Variants in NME7 observed in about 807,000 individuals in gnomAD.
The protein encoded by NME7 is NME/NM23 family member 7, also known as nucleoside diphosphate kinase 7.
A neutral mutation model predicts 49.1 loss-of-function variants in NME7; 41 were observed. That is an observed-to-expected ratio of 0.83 (90% CI 0.65 to 1.08). NME7 has a LOEUF of 1.08. NME7 is among the 50% of genes least tolerant of loss of function. The pLI, the probability that NME7 is intolerant of heterozygous loss-of-function variation, is 0.00. For missense variants in NME7, 423 were observed against 463.4 expected, an observed-to-expected ratio of 0.91 and a Z score of 0.80; for synonymous variants, 139 against 150.6, an observed-to-expected ratio of 0.92 and a Z score of 0.56.
chr1:169,149,091 C>A (rs1037988855), intron 11 of NME7, among the ~76,000 whole-genome samples: 2 of 152,148 alleles, frequency 1.3e-5, no homozygotes, highest in African/African-American at 2.4e-5. Flanking sequence ...CGCCTGTAAT[C>A]CTACTTTGGG....
chr1:169,292,196 T>C (rs757146585), intron 6 of NME7, among the ~76,000 whole-genome samples: 5 of 152,154 alleles, frequency 3.3e-5, no homozygotes, highest in East Asian at 1.9e-4. Context: ...AAATGCATCA[T>C]AGAGTTAAGT....
chr1:169,287,625 A>G (rs1046081762), intron 6 of NME7, among the ~76,000 whole-genome samples: 1 of 152,210 alleles, frequency 6.6e-6, no homozygotes, highest in Non-Finnish European at 1.5e-5. Flanking sequence ...AGAAGTATCA[A>G]TCAAAGCAAT....
Position 169,351,605 on chromosome 1 carries a change from G to GA in NME7, c.3+16102dup, listed in dbSNP as rs202148291. Reference sequence around the variant, plus strand: ...TGGCAGAAATAAATGAATTTGAAATGAAAAAAAAATACAAAAGATCAATGA... The same window carrying GA: ...TGGCAGAAATAAATGAATTTGAAATGAAAAAAAAAATACAAAAGATCAATGA... On this transcript the variant is annotated intron_variant, in intron 1 of 11. Transcript: ENST00000367811. 1.6e-3 allele frequency among the ~76,000 whole-genome samples: 233 copies of GA among 148,202 alleles called. 2 individuals carry two copies. Among genetic ancestry groups the GA allele is most frequent in the Admixed American group, 0.013 (189 of 14,902 alleles).
At chr1:169,303,018 A>G in intron 5 of NME7, 127 bp downstream of exon 5, 3 of 547,578 alleles carry the variant, frequency 5.5e-6, no homozygotes, top group Non-Finnish European at 9.9e-6. Flanking sequence ...AATTCTGTGC[A>G]GTTGCAAGAT....
At chr1:169,313,878 T>G (rs1211772238) in intron 3 of NME7, among the ~76,000 whole-genome samples, 1 of 151,994 alleles carries the variant, frequency 6.6e-6, no homozygotes, top group South Asian at 2.1e-4. Flanking sequence ...CAAAATGGAA[T>G]AAGCAGATCT....
At chr1:169,221,107 T>C (rs927871670) in intron 10 of NME7, among the ~76,000 whole-genome samples, 6 of 152,182 alleles carry the variant, frequency 3.9e-5, no homozygotes, top group Non-Finnish European at 7.3e-5. Flanking sequence ...TTAACCTTCA[T>C]CTACTCATCC....
intron 10 of NME7, among the ~76,000 whole-genome samples, chr1:169,194,397 T>A (rs1185723938): frequency 6.6e-6 from 1 of 152,204 alleles, no homozygotes. Context: ...AAGTTCCATG[T>A]TACCAAGCCA....
intron 1 of NME7, among the ~76,000 whole-genome samples, chr1:169,360,515 A>G (rs529664981): frequency 1.3e-5 from 2 of 152,352 alleles, no homozygotes; most frequent in South Asian, 4.1e-4. Context: ...CATAAGTCTC[A>G]GTATTCCTGG....
chr1:169,218,261 T>G (rs1661029957), intron 10 of NME7, among the ~76,000 whole-genome samples: 1 of 152,116 alleles, frequency 6.6e-6, no homozygotes, highest in Non-Finnish European at 1.5e-5. Flanking sequence ...CTAAATGACT[T>G]TGCCTACATT....
chr1:169,287,342 A>G lies in NME7; in HGVS notation c.715T>C (p.Cys239Arg), dbSNP rs780483253. The change falls in exon 7 of 12, where the codon TGT (cysteine) becomes CGT (arginine). Residue 239 changes from cysteine to arginine, a missense_variant. By Grantham distance (180) the Cys-to-Arg change is radical. Transcript: ENST00000367811. ...TGGGGTTTAACAATGCAACAGGTAC[A>G]ATTAGTAAATTTAGCAGTGTTTGCC... is the stretch of plus-strand genomic sequence containing the variant. ...GPANTAKFTN[C>R]TCCIVKPHAV... 2 of 1,611,850 alleles carry G rather than the reference A, an allele frequency of 1.2e-6. No homozygotes were observed. The highest frequency in any genetic ancestry group is 2.2e-5 in the South Asian group (2 of 90,476).
In NME7 at chr1:169,314,759, GA is replaced by G. The variant is rs34809821; in HGVS notation, c.279-4680del. Among the ~76,000 whole-genome samples the G allele has an allele frequency of 0.056, 8,335 of 148,742 alleles. 1,374 individuals are homozygous for G. In the East Asian group the frequency reaches 0.67, roughly 12 times the overall value. On this transcript the variant is annotated intron_variant, in intron 3 of 11. Coordinates refer to ENST00000367811, the MANE Select transcript of NME7 (RefSeq NM_013330.5). ...CTGCACACGTATCCCGGAACTTAAA[GA>G]AAAAAAAAGATATAAAAAACAAACA...
At chr1:169,279,428 A>T (rs994861523) in intron 7 of NME7, among the ~76,000 whole-genome samples, 1 of 152,172 alleles carries the variant, frequency 6.6e-6, no homozygotes, top group Non-Finnish European at 1.5e-5. Flanking sequence ...GCCAACTTGC[A>T]GTTTGATCTC....
At position 169,271,783 on chromosome 1, in the gene NME7, C is replaced by A. The variant is rs911873237; in HGVS notation, c.754+15520G>T. On this transcript the variant is annotated intron_variant, in intron 7 of 11. Transcript: ENST00000367811. ...AATCTTTAAAAATAAAAATAAAAAT[C>A]TTTCATGCCTATACTATATTACAGG... is the stretch of plus-strand genomic sequence containing the variant. Among the ~76,000 whole-genome samples the A allele has an allele frequency of 3.0e-5, 4 of 132,040 alleles. 2 individuals are homozygous for A. The highest frequency in any genetic ancestry group is 1.0e-4 in the African/African-American group (4 of 38,964). 86.6% of individuals were successfully genotyped at this position (132,040 alleles called of 152,430 possible). A position where few individuals can be genotyped will look rare whatever the true frequency, so the allele number is the denominator to read the frequency against.
chr1:169,141,008 T>C (rs1447089510), intron 11 of NME7, among the ~76,000 whole-genome samples: 1 of 152,196 alleles, frequency 6.6e-6, no homozygotes, highest in Admixed American at 6.5e-5. Flanking sequence ...AATAAGATCC[T>C]TTATACATAG....
At chr1:169,311,911 T>C (rs1651408785) in intron 3 of NME7, among the ~76,000 whole-genome samples, 1 of 152,250 alleles carries the variant, frequency 6.6e-6, no homozygotes, top group Non-Finnish European at 1.5e-5. Flanking sequence ...TCTTTGCTGC[T>C]TAATTTTTCA....
At chr1:169,288,033 C>T (rs2101896357) in intron 6 of NME7, among the ~76,000 whole-genome samples, 1 of 152,222 alleles carries the variant, frequency 6.6e-6, no homozygotes, top group Admixed American at 6.5e-5. Flanking sequence ...AGATGCTTTC[C>T]TGTCTCTAAG....
At chr1:169,366,381 A>T (rs1169243333) in intron 1 of NME7, among the ~76,000 whole-genome samples, 1 of 152,228 alleles carries the variant, frequency 6.6e-6, no homozygotes, top group South Asian at 2.1e-4. Flanking sequence ...TATAAGTAAA[A>T]ATAATATCCT....
At chr1:169,342,518 GTATATATATACAAGTACATATATATAGTA>G (rs1652754995) in intron 1 of NME7, among the ~76,000 whole-genome samples, 2 of 95,460 alleles carry the variant, frequency 2.1e-5, no homozygotes, top group African/African-American at 7.3e-5. Context: ...TATATATATA[GTATATATATACAAGTACATATATATAGTA>G]TATATATATA....
intron 10 of NME7, among the ~76,000 whole-genome samples, chr1:169,200,931 T>C (rs1018063341): frequency 1.3e-5 from 2 of 152,076 alleles, no homozygotes; most frequent in East Asian, 1.9e-4. Flanking sequence ...AAAACTGACA[T>C]TATAAACAAA....
Sources: allele counts gnomAD v4.1 joint callset (sites outside exome capture counted in the v4.1 genomes callset), GRCh38; gene constraint gnomAD v4.1.1; transcripts MANE v1.5; gene names NCBI Gene and HGNC (gene_info 2026-07-23, HGNC 2026-07-21).